SAMD4A: variants seen among roughly 807,000 people sequenced by gnomAD.
SAMD4A encodes protein Smaug homolog 1.
SAMD4A carries 33 observed loss-of-function variants against 81.3 expected under a neutral mutation model. The observed-to-expected ratio is 0.41, with a 90% CI of 0.31 to 0.54. The LOEUF (loss-of-function observed/expected upper bound fraction) is 0.54, where lower values mean the gene tolerates loss of function less well. Ranked by LOEUF, SAMD4A falls within the 20% of genes least tolerant of loss-of-function variation. The probability of loss-of-function intolerance (pLI) is 0.37; values close to 1 mark genes in which losing one functional copy is unlikely to be tolerated. For missense variants in SAMD4A, 854 were observed against 951.1 expected (o/e 0.90, Z 1.34); for synonymous variants, 389 against 382.1 (o/e 1.02, Z -0.21).
intron 10 of SAMD4A, 65 bp from the exon 11 acceptor site, chr14:54,776,349 G>A: frequency 1.3e-6 from 2 of 1,510,388 alleles, no homozygotes; most frequent in East Asian, 2.6e-5. Context: ...AATTCTTGCT[G>A]GCGGCTCTGC....
At chr14:54,760,106 G>A (rs1444387164) in intron 6 of SAMD4A, 55 bp from the exon 7 acceptor site, 2 of 1,561,634 alleles carry the variant, frequency 1.3e-6, no homozygotes, top group Non-Finnish European at 1.7e-6. Context: ...AGGTACGGGG[G>A]TGGATGACCC....
Position 54,751,543 on chromosome 14 carries a change from T to C in SAMD4A, c.1176+6T>C. Reference sequence around the variant, plus strand: ...TCCTGAAGTCTTTGGAAAGGGTAAGTTATCGGATGAGGGAACATTTCCACT... The same window carrying C: ...TCCTGAAGTCTTTGGAAAGGGTAAGCTATCGGATGAGGGAACATTTCCACT... On this transcript the variant is annotated splice_donor_region_variant and intron_variant, in intron 6 of 12. Transcript: ENST00000554335. 1 of 1,557,972 alleles carries C rather than the reference T, an allele frequency of 6.4e-7. No individual in the cohort carries two copies.
intron 9 of SAMD4A, among the ~76,000 whole-genome samples, chr14:54,774,272 T>C (rs553723631): frequency 1.3e-5 from 2 of 152,348 alleles, no homozygotes; most frequent in East Asian, 1.9e-4. Flanking sequence ...ACCTACTTCA[T>C]AGGGTTGTTG....
intron 2 of SAMD4A, among the ~76,000 whole-genome samples, chr14:54,637,428 A>G (rs1197802662): frequency 1.3e-5 from 2 of 151,526 alleles, no homozygotes; most frequent in Non-Finnish European, 2.9e-5. Flanking sequence ...AGAGATGAGA[A>G]GGAGATGCCA....
rs1461422380 is a variant in SAMD4A, at chr14:54,789,217, G to C, written c.*273G>C. The C allele has an allele frequency of 4.0e-5, 21 of 527,438 alleles. No individual in the cohort carries two copies. Among genetic ancestry groups the C allele is most frequent in the Admixed American group, 2.2e-4 (7 of 31,658 alleles). 32.7% of individuals were successfully genotyped at this position (527,438 alleles called of 1,614,324 possible). A position where few individuals can be genotyped will look rare whatever the true frequency, so the allele number is the denominator to read the frequency against. ...TCTAGGGAATTATGAGACTGGGAGG[G>C]GGGTGGAGGGAATGCAGGTAGCTCT... is the stretch of plus-strand genomic sequence containing the variant. On this transcript the variant is annotated 3_prime_UTR_variant, in exon 13 of 13. Coordinates refer to ENST00000554335, the MANE Select transcript of SAMD4A (RefSeq NM_015589.6).
chr14:54,617,899 G>C (rs1239328680), intron 2 of SAMD4A, among the ~76,000 whole-genome samples: 1 of 152,130 alleles, frequency 6.6e-6, no homozygotes, highest in Non-Finnish European at 1.5e-5. Context: ...TACACTGGTT[G>C]GAAAAAAACT....
chr14:54,721,713 T>C (rs1251072453), intron 3 of SAMD4A, among the ~76,000 whole-genome samples: 1 of 152,166 alleles, frequency 6.6e-6, no homozygotes, highest in Non-Finnish European at 1.5e-5. Context: ...CCTGTCACTT[T>C]CCTTCTCTCG....
At chr14:54,636,321 G>A (rs1277489641) in intron 2 of SAMD4A, among the ~76,000 whole-genome samples, 4 of 152,108 alleles carry the variant, frequency 2.6e-5, no homozygotes, top group Admixed American at 2.6e-4. Flanking sequence ...GAGGAAGGGT[G>A]GTGGGAGGCG....
chr14:54,648,436 A>G (rs1464589682), intron 2 of SAMD4A, among the ~76,000 whole-genome samples: 2 of 152,198 alleles, frequency 1.3e-5, no homozygotes, highest in Admixed American at 6.5e-5. Flanking sequence ...TCCTTTTTGC[A>G]TTGTCTAATT....
At chr14:54,693,082 C>CA (rs1464721355) in intron 2 of SAMD4A, 3 of 151,454 alleles carry the variant, frequency 2.0e-5, no homozygotes, top group East Asian at 1.9e-4. Flanking sequence ...TGTTTTCTAG[C>CA]AAAAAACAAT....
chr14:54,745,517 A>G (rs2037946737), intron 4 of SAMD4A, among the ~76,000 whole-genome samples: 1 of 152,160 alleles, frequency 6.6e-6, no homozygotes, highest in African/African-American at 2.4e-5. Context: ...AACCCTATGT[A>G]TACTCAGCGC....
chr14:54,764,784 C>T (rs1193746050), intron 8 of SAMD4A, among the ~76,000 whole-genome samples: 2 of 152,190 alleles, frequency 1.3e-5, no homozygotes, highest in African/African-American at 2.4e-5. Flanking sequence ...ACGCCTGCAA[C>T]GACTTCTGGC....
intron 2 of SAMD4A, among the ~76,000 whole-genome samples, chr14:54,644,687 G>A (rs1309853963): frequency 6.6e-6 from 1 of 152,180 alleles, no homozygotes; most frequent in Non-Finnish European, 1.5e-5. Flanking sequence ...TAATTCTAAT[G>A]GAGTTATGTT....
intron 2 of SAMD4A, among the ~76,000 whole-genome samples, chr14:54,643,695 A>G (rs1282961849): frequency 6.6e-6 from 1 of 152,242 alleles, no homozygotes; most frequent in Non-Finnish European, 1.5e-5. Context: ...TATTCTAGGT[A>G]TGTTTAAATT....
At chr14:54,676,453 T>G (rs969516515) in intron 2 of SAMD4A, among the ~76,000 whole-genome samples, 1 of 152,224 alleles carries the variant, frequency 6.6e-6, no homozygotes, top group Non-Finnish European at 1.5e-5. Context: ...CTTGGCTCAC[T>G]GTAACCTCCG....
chr14:54,732,661 A>C (rs1440894932), intron 3 of SAMD4A, among the ~76,000 whole-genome samples: 2 of 152,142 alleles, frequency 1.3e-5, no homozygotes. Flanking sequence ...TGTTGGGATA[A>C]AGTTTTGGTG....
intron 2 of SAMD4A, among the ~76,000 whole-genome samples, chr14:54,583,010 C>T (rs1042106075): frequency 2.0e-5 from 3 of 152,118 alleles, no homozygotes; most frequent in African/African-American, 7.2e-5. Context: ...GTGGCGCAAT[C>T]TCGGCCCACT....
chr14:54,748,893 T>C lies in SAMD4A; in HGVS notation c.1058T>C (p.Met353Thr). ...TCCCAGATGACCTATGAGGAGATGATGGCCCTCACCGAGTGCCAGCTGGAG... is the reference window on the plus strand; with the variant it reads ...TCCCAGATGACCTATGAGGAGATGACGGCCCTCACCGAGTGCCAGCTGGAG... ...LFSQMTYEEM[M>T]ALTECQLEAQ... Residue 353 changes from methionine to threonine, a missense_variant, in exon 5 of 13, where the codon ATG becomes ACG. Met to Thr is a moderately conservative substitution (Grantham distance 81, BLOSUM62 -1). Transcript: ENST00000554335. The C allele has an allele frequency of 6.4e-7, 1 of 1,554,816 alleles. No homozygotes were observed. Among genetic ancestry groups the C allele is most frequent in the Non-Finnish European group, 8.7e-7 (1 of 1,148,420 alleles).
At chr14:54,684,653 C>T (rs2140602835) in intron 2 of SAMD4A, among the ~76,000 whole-genome samples, 1 of 122,894 alleles carries the variant, frequency 8.1e-6, no homozygotes, top group East Asian at 2.8e-4. Flanking sequence ...ATGGAAAGGG[C>T]TCAGCTGGGT....
Sources: allele counts gnomAD v4.1 joint callset (sites outside exome capture counted in the v4.1 genomes callset), GRCh38; gene constraint gnomAD v4.1.1; transcripts MANE v1.5; gene names NCBI Gene and HGNC (gene_info 2026-07-23, HGNC 2026-07-21).